The following KCTD19 variants were observed in gnomAD, a reference collection of about 807,000 sequenced individuals.
KCTD19 encodes BTB/POZ domain-containing protein KCTD19.
Under a neutral mutation model 103.5 loss-of-function variants are expected in KCTD19, and 67 were observed. The observed-to-expected ratio is 0.65, with a 90% CI of 0.53 to 0.79. KCTD19 has a LOEUF of 0.79. KCTD19 is among the 30% of genes least tolerant of loss of function. The pLI is 0.00. For synonymous variants in KCTD19, 439 were observed against 452.2 expected, an observed-to-expected ratio of 0.97 and a Z score of 0.37; for missense variants, 980 against 1,136.1, an observed-to-expected ratio of 0.86 and a Z score of 1.98.
rs2036853614 is a variant in KCTD19 at position 67,303,117 on chromosome 16, C to T, written c.643+29G>A. 1.5e-5 allele frequency: 7 copies of T among 469,980 alleles called. No individual in the cohort carries two copies. Among genetic ancestry groups the T allele is most frequent in the Middle Eastern group, 5.7e-4 (1 of 1,740 alleles). 29.1% of individuals were successfully genotyped at this position (469,980 alleles called of 1,614,324 possible). A position where few individuals can be genotyped will look rare whatever the true frequency, so the allele number is the denominator to read the frequency against. On this transcript the variant is annotated intron_variant, in intron 4 of 15. Coordinates refer to ENST00000304372, the MANE Select transcript of KCTD19 (RefSeq NM_001100915.3). The surrounding 1 kb of genome is among the most constrained non-coding windows in gnomAD (Gnocchi z 4.3). The stretch of plus-strand genomic sequence containing the variant: ...GGTGAATGGGCCCTATCAGCCCGCC[C>T]CCCACCCCACCCCGGACAGAGCAAT...
chr16:67,303,234 A>T lies in KCTD19; in HGVS notation c.555T>A (p.Tyr185Ter), dbSNP rs2036856742. ...CFLPLDLVAK[Y>*]PSLVTEDNLL... ...GGTTGTCTTCAGTCACTAGGCTGGG[A>T]TATTTGGCCACCAGGTCTAGGGGCA... The change falls in exon 4 of 16, where the codon TAT becomes TAA. Residue 185 changes from tyrosine (Y) to a stop codon, truncating the protein, a stop_gained. Coordinates refer to ENST00000304372, the MANE Select transcript of KCTD19 (RefSeq NM_001100915.3). LOFTEE classifies it high-confidence loss of function. The surrounding 1 kb of genome is among the most constrained non-coding windows in gnomAD (Gnocchi z 4.3). The T allele has an allele frequency of 6.2e-7, 1 of 1,613,628 alleles. No homozygotes were observed. The highest frequency in any genetic ancestry group is 8.5e-7 in the Non-Finnish European group (1 of 1,179,862).
chr16:67,306,300 C>T (rs1376467329), intron 2 of KCTD19, among the ~76,000 whole-genome samples: 2 of 152,222 alleles, frequency 1.3e-5, no homozygotes, highest in Non-Finnish European at 2.9e-5. Flanking sequence ...GAGTCTCGCT[C>T]TGTCACCCAG....
rs145618374 is a variant in KCTD19 at position 67,296,216 on chromosome 16, G to A, written c.1191C>T (p.Ile397=). 6.2e-7 allele frequency: 1 copy of A among 1,613,736 alleles called. No individual in the cohort carries two copies. The highest frequency in any genetic ancestry group is 8.5e-7 in the Non-Finnish European group (1 of 1,179,614). Residue 397 remains isoleucine, a synonymous_variant, in exon 8 of 16, where the codon ATC becomes ATT. Transcript: ENST00000304372. ...AEITVYSPQQ[I]IKVYVGSHWY... The stretch of plus-strand genomic sequence containing the variant: ...AGTGGCTTCCAACATACACTTTGAT[G>A]ATCTGTTGTGGGGAATACACAGTGA...
intron 2 of KCTD19, among the ~76,000 whole-genome samples, chr16:67,312,619 A>G (rs1597398344): frequency 6.6e-6 from 1 of 152,108 alleles, no homozygotes; most frequent in Non-Finnish European, 1.5e-5. Context: ...CTCAAACTCA[A>G]CATGTTCAGA....
At position 67,293,976 on chromosome 16, in the gene KCTD19, T is replaced by C. The variant is rs1284801274; in HGVS notation, c.1786A>G (p.Thr596Ala). The change falls in exon 12 of 16, where the codon ACC becomes GCC. Residue 596 changes from threonine (T) to alanine (A), a missense_variant. Physicochemically the swap from Thr to Ala is moderately conservative, Grantham distance 58. Coordinates refer to ENST00000304372, the MANE Select transcript of KCTD19 (RefSeq NM_001100915.3). The surrounding 1 kb of genome is among the most constrained non-coding windows in gnomAD (Gnocchi z 4.0). ...TGGCTCCCCCAGTGTCCAGGATTGG[T>C]ACACAAGCCACGGCAGTGTGAGTAT... Reference protein sequence around the residue: ...STYSHCRGLCTNPGHWGSHPE... With the variant: ...STYSHCRGLCANPGHWGSHPE... The C allele has an allele frequency of 6.2e-7, 1 of 1,614,132 alleles. No individual in the cohort carries two copies. The highest frequency in any genetic ancestry group is 1.7e-5 in the Admixed American group (1 of 60,026).
At chr16:67,304,744 A>G (rs1206735766) in intron 2 of KCTD19, among the ~76,000 whole-genome samples, 173 bp from the exon 3 acceptor site, 1 of 151,576 alleles carries the variant, frequency 6.6e-6, no homozygotes, top group Admixed American at 6.6e-5. Context: ...GCTCACTGCA[A>G]CCTCCACCTC....
In KCTD19 at chr16:67,296,289, A is replaced by G. The variant is rs746850022; in HGVS notation, c.1148-30T>C. The G allele has an allele frequency of 3.6e-6, 5 of 1,388,438 alleles. No individual in the cohort carries two copies. In the South Asian group the frequency reaches 5.8e-5, roughly 16 times the overall value. 86.0% of individuals were successfully genotyped at this position (1,388,438 alleles called of 1,614,324 possible). ...GGGAATCCAGGAGATAGAACACATCATCATATGGCCAGAAGGGAAAGCAGG... is the reference window on the plus strand; with the variant it reads ...GGGAATCCAGGAGATAGAACACATCGTCATATGGCCAGAAGGGAAAGCAGG... On this transcript the variant is annotated intron_variant, in intron 7 of 15. Coordinates refer to ENST00000304372, the MANE Select transcript of KCTD19 (RefSeq NM_001100915.3).
At chr16:67,325,207 C>CT (rs10695930) in intron 1 of KCTD19, among the ~76,000 whole-genome samples, 9,757 of 112,860 alleles carry the variant, frequency 0.086, 843 homozygotes, top group African/African-American at 0.2. Flanking sequence ...TTCTTTTTTT[C>CT]TTTTTTTTTT....
rs1048907270 is a variant in KCTD19 at position 67,301,997 on chromosome 16, G to A, written c.644-75C>T. 2.1e-6 allele frequency: 3 copies of A among 1,430,334 alleles called. No homozygotes were observed. In the African/African-American group the frequency reaches 4.2e-5, roughly 20 times the overall value. The allele number at this position is 1,430,334 out of a possible 1,614,324, so 88.6% of individuals were successfully genotyped here. ...TAGCTGTAGGTCCTGGTTTTGGCAG[G>A]TTTCTGGTGCTGTAACTTATCCTAG... On this transcript the variant is annotated intron_variant, in intron 4 of 15. Coordinates refer to ENST00000304372, the MANE Select transcript of KCTD19 (RefSeq NM_001100915.3).
chr16:67,303,192 C>T lies in KCTD19; in HGVS notation c.597G>A (p.Glu199=), dbSNP rs556822280. 18 of 1,608,380 alleles carry T rather than the reference C, an allele frequency of 1.1e-5. No homozygotes were observed. The highest frequency in any genetic ancestry group is 5.0e-5 in the Admixed American group (3 of 59,728). The change falls in exon 4 of 16, where the codon GAG becomes GAA. Residue 199 remains glutamate (E), a synonymous_variant. Transcript: ENST00000304372. This position sits in a 1 kb window ranked among gnomAD's most constrained non-coding sequence, Gnocchi z 4.3. Reference sequence around the variant, plus strand: ...ACTCGCACTCGATGAGGGCCACCGTCTCAGCCAGCCACAGCAGGTTGTCTT... The same window carrying T: ...ACTCGCACTCGATGAGGGCCACCGTTTCAGCCAGCCACAGCAGGTTGTCTT... ...VTEDNLLWLA[E]TVALIECECS... is the part of the protein sequence containing the mutation.
chr16:67,316,201 C>G (rs993206351), intron 2 of KCTD19, among the ~76,000 whole-genome samples: 2 of 152,032 alleles, frequency 1.3e-5, no homozygotes, highest in Admixed American at 1.3e-4. Flanking sequence ...ACCATCATGT[C>G]TGGCTAATTA....
rs926622170 is a variant in KCTD19, at chr16:67,323,766, G to A, written c.4-2881C>T. On this transcript the variant is annotated intron_variant, in intron 1 of 15. Transcript: ENST00000304372. This position sits in a 1 kb window ranked among gnomAD's most constrained non-coding sequence, Gnocchi z 4.1. ...GAGTATGGGATTTCTTTTGGGGATG[G>A]TGAAAATGTTCTAAAATTGATTGTG... is the stretch of plus-strand genomic sequence containing the variant. 1.3e-5 allele frequency among the ~76,000 whole-genome samples: 2 copies of A among 152,050 alleles called. No individual in the cohort carries two copies. Among genetic ancestry groups the A allele is most frequent in the Non-Finnish European group, 2.9e-5 (2 of 68,030 alleles).
chr16:67,325,031 G>A (rs528293441), intron 1 of KCTD19, among the ~76,000 whole-genome samples: 42 of 152,234 alleles, frequency 2.8e-4, no homozygotes, highest in South Asian at 6.2e-4. Flanking sequence ...AAATATGCAA[G>A]GAAGGACCCT....
intron 1 of KCTD19, among the ~76,000 whole-genome samples, chr16:67,322,736 T>C (rs1360578256): frequency 6.6e-6 from 1 of 152,200 alleles, no homozygotes; most frequent in Non-Finnish European, 1.5e-5. Flanking sequence ...TAAAAACATT[T>C]GTGCTTTAGA....
At chr16:67,325,915 C>CA (rs2037155745) in intron 1 of KCTD19, 2 of 129,316 alleles carry the variant, frequency 1.5e-5, no homozygotes, top group Admixed American at 7.7e-5. Context: ...AATTTCTTAC[C>CA]TTTTTTTTTT....
chr16:67,326,628 G>T, intron 1 of KCTD19, 77 bp downstream of exon 1: 1 of 1,537,270 alleles, frequency 6.5e-7, no homozygotes, highest in East Asian at 2.6e-5. Flanking sequence ...GAACCACTTA[G>T]CCCCAATCCT....
At chr16:67,298,428 G>A (rs987763381) in intron 6 of KCTD19, among the ~76,000 whole-genome samples, 1 of 152,144 alleles carries the variant, frequency 6.6e-6, no homozygotes, top group Non-Finnish European at 1.5e-5. Flanking sequence ...TCTCCAGGCC[G>A]TGTTTCCGGT....
Position 67,293,456 on chromosome 16 carries a change from T to G in KCTD19, c.2218+88A>C. The G allele has an allele frequency of 1.4e-6, 2 of 1,459,182 alleles. No homozygotes were observed. Among genetic ancestry groups the G allele is most frequent in the Non-Finnish European group, 1.9e-6 (2 of 1,070,274 alleles). 90.4% of individuals were successfully genotyped at this position (1,459,182 alleles called of 1,614,324 possible). The stretch of plus-strand genomic sequence containing the variant: ...GTGAGCGGGGGGGTCTAGTCCTCCT[T>G]TGTCACTAACTTGCTCTGCCATCTT... On this transcript the variant is annotated intron_variant, in intron 12 of 15. Transcript: ENST00000304372. This position sits in a 1 kb window ranked among gnomAD's most constrained non-coding sequence, Gnocchi z 4.0.
intron 2 of KCTD19, among the ~76,000 whole-genome samples, chr16:67,313,095 T>C (rs1176495207): frequency 6.6e-6 from 1 of 150,384 alleles, no homozygotes; most frequent in Non-Finnish European, 1.5e-5. Context: ...ACTTTATCAA[T>C]GGCACTGAAA....
Sources: gnomAD v4.1 joint callset for allele counts (sites outside exome capture counted in the v4.1 genomes callset) on GRCh38, gnomAD v4.1.1 for gene constraint, Gnocchi (gnomAD v3.1) non-coding constraint, MANE v1.5 for transcripts, NCBI Gene and HGNC (gene_info 2026-07-23, HGNC 2026-07-21) for gene names.